Variants in SLC45A3 observed in about 807,000 individuals in gnomAD.
The protein encoded by SLC45A3 is prostate cancer associated protein 2.
A neutral mutation model predicts 35.3 loss-of-function variants in SLC45A3; 17 were observed. The observed-to-expected ratio is 0.48, with a 90% CI of 0.33 to 0.72. The LOEUF is 0.72. Ranked by LOEUF, SLC45A3 falls within the 30% of genes least tolerant of loss-of-function variation. SLC45A3 has a pLI of 0.02. For missense variants in SLC45A3, 597 were observed against 731.7 expected, an observed-to-expected ratio of 0.82 and a Z score of 2.12; for synonymous variants, 288 against 334.3, an observed-to-expected ratio of 0.86 and a Z score of 1.51.
chr1:205,662,934 A>G lies in SLC45A3; in HGVS notation c.857T>C (p.Met286Thr). Residue 286 changes from methionine (M) to threonine (T), a missense_variant, in exon 3 of 5, where the codon ATG becomes ACG. By Grantham distance (81) the Met-to-Thr change is moderately conservative. This residue lies in a region of SLC45A3 where 555 missense variants were observed against 664.9 expected (regional missense o/e 0.83). Coordinates refer to ENST00000367145, the MANE Select transcript of SLC45A3 (RefSeq NM_033102.3). The surrounding 1 kb of genome is among the most constrained non-coding windows in gnomAD (Gnocchi z 6.2). ...VAELCSWMAL[M>T]TFTLFYTDFV... ...ATCCGTGTAAAACAGCGTGAAGGTC[A>G]TGAGTGCCATCCAGCTGCACAGCTC... The G allele has an allele frequency of 3.7e-6, 6 of 1,613,658 alleles. No individual in the cohort carries two copies. The highest frequency in any genetic ancestry group is 4.2e-6 in the Non-Finnish European group (5 of 1,180,006).
At chr1:205,660,406 CT>C (rs1428847701) in intron 4 of SLC45A3, among the ~76,000 whole-genome samples, 1 of 152,172 alleles carries the variant, frequency 6.6e-6, no homozygotes, top group Non-Finnish European at 1.5e-5. Context: ...GGCCCAGAGC[CT>C]CCTATTTAAG....
At position 205,663,534 on chromosome 1, in the gene SLC45A3, C is replaced by T. The variant is rs780168259; in HGVS notation, c.257G>A (p.Arg86Gln). The stretch of plus-strand genomic sequence containing the variant: ...CAAGGACAGTGCCCAGATGAAGGGC[C>T]GGCGGCGGCCATAGCGTCCACGCCA... ...DHWRGRYGRR[R>Q]PFIWALSLGI... is the part of the protein sequence containing the mutation. Residue 86 changes from arginine to glutamine, a missense_variant, in exon 3 of 5, where the codon CGG (arginine) becomes CAG (glutamine). Arg to Gln is a conservative substitution (Grantham distance 43). This residue lies in a region of SLC45A3 where 555 missense variants were observed against 664.9 expected (regional missense o/e 0.83). Transcript: ENST00000367145. The T allele has an allele frequency of 6.8e-6, 11 of 1,612,936 alleles. No individual in the cohort carries two copies. Among genetic ancestry groups the T allele is most frequent in the East Asian group, 2.2e-5 (1 of 44,872 alleles).
At chr1:205,672,861 A>G (rs1226261910) in intron 1 of SLC45A3, among the ~76,000 whole-genome samples, 1 of 151,652 alleles carries the variant, frequency 6.6e-6, no homozygotes, top group Admixed American at 6.6e-5. Flanking sequence ...TGCACCCCCT[A>G]CCCCCGGCAG....
intron 1 of SLC45A3, among the ~76,000 whole-genome samples, chr1:205,667,789 GC>G: frequency 6.6e-6 from 1 of 151,910 alleles, no homozygotes. Context: ...AAGTTCCCAG[GC>G]CCCCCAGGAA....
chr1:205,674,808 C>T (rs965460719), intron 1 of SLC45A3, among the ~76,000 whole-genome samples: 2 of 151,766 alleles, frequency 1.3e-5, no homozygotes, highest in Non-Finnish European at 2.9e-5. Context: ...CTCTGCCTCC[C>T]GGATTCAAGC....
Position 205,659,307 on chromosome 1 carries a change from A to C in SLC45A3, c.1589T>G (p.Leu530Arg), listed in dbSNP as rs1313016978. The C allele has an allele frequency of 6.2e-7, 1 of 1,614,060 alleles. No individual in the cohort carries two copies. Among genetic ancestry groups the C allele is most frequent in the Non-Finnish European group, 8.5e-7 (1 of 1,180,016 alleles). Residue 530 changes from leucine to arginine, a missense_variant, in exon 5 of 5, where the codon CTG (leucine) becomes CGG (arginine). Around this residue, in one of 3 missense-constraint regions of SLC45A3, gnomAD observed 555 missense variants for 664.9 expected, o/e 0.83. Transcript: ENST00000367145. The surrounding 1 kb of genome is among the most constrained non-coding windows in gnomAD (Gnocchi z 5.8). ...VTAYMVSAAG[L>R]GLVAIYFATQ... ...AGCAAAGTAAATGGCGACCAGACCC[A>C]GGCCTGCGGCAGACACCATATAGGC...
intron 1 of SLC45A3, among the ~76,000 whole-genome samples, chr1:205,677,626 G>C (rs1671333227): frequency 6.6e-6 from 1 of 152,224 alleles, no homozygotes; most frequent in Non-Finnish European, 1.5e-5. Flanking sequence ...CCAAAGTCCA[G>C]GAGACCTTGC....
At position 205,661,979 on chromosome 1, in the gene SLC45A3, G is replaced by A; in HGVS notation, c.1106C>T (p.Thr369Ile). 6.2e-7 allele frequency: 1 copy of A among 1,614,208 alleles called. No individual in the cohort carries two copies. ...CACGGCCACACTGTGGGACAGGCATGTGGCACCGGCAGCCACAGGGAAAGC... is the reference window on the plus strand; with the variant it reads ...CACGGCCACACTGTGGGACAGGCATATGGCACCGGCAGCCACAGGGAAAGC... ...VAAFPVAAGA[T>I]CLSHSVAVVT... is the part of the protein sequence containing the mutation. Residue 369 changes from threonine (T) to isoleucine (I), a missense_variant, in exon 4 of 5, where the codon ACA becomes ATA. Transcript: ENST00000367145.
Position 205,662,607 on chromosome 1 carries a change from G to A in SLC45A3, c.958+226C>T. The A allele has an allele frequency of 7.5e-7, 1 of 1,336,618 alleles. No homozygotes were observed. The highest frequency in any genetic ancestry group is 2.3e-5 in the South Asian group (1 of 42,810). The allele number at this position is 1,336,618 out of a possible 1,614,324, so 82.8% of individuals were successfully genotyped here. Reference sequence around the variant, plus strand: ...CCGCCTTTCCTTCTGTCAAACTGGGGCAACGACTCTGATCAGACTCCTAGA... The same window carrying A: ...CCGCCTTTCCTTCTGTCAAACTGGGACAACGACTCTGATCAGACTCCTAGA... On this transcript the variant is annotated intron_variant, in intron 3 of 4. Coordinates refer to ENST00000367145, the MANE Select transcript of SLC45A3 (RefSeq NM_033102.3). The surrounding 1 kb of genome is among the most constrained non-coding windows in gnomAD (Gnocchi z 6.2).
In SLC45A3 at chr1:205,659,387, C is replaced by G; in HGVS notation, c.1509G>C (p.Gln503His). 6.2e-7 allele frequency: 1 copy of G among 1,614,208 alleles called. No individual in the cohort carries two copies. The highest frequency in any genetic ancestry group is 1.7e-5 in the Admixed American group (1 of 60,020). Residue 503 changes from glutamine (Q) to histidine (H), a missense_variant, in exon 5 of 5, where the codon CAG becomes CAC. Around this residue, in one of 3 missense-constraint regions of SLC45A3, gnomAD observed 555 missense variants for 664.9 expected, o/e 0.83. Coordinates refer to ENST00000367145, the MANE Select transcript of SLC45A3 (RefSeq NM_033102.3). This position sits in a 1 kb window ranked among gnomAD's most constrained non-coding sequence, Gnocchi z 5.8. ...AGCCCATAAACAGGGATGGGGCCAC[C>G]TGGGACAGCAGGAAGGCACTATCCA... ...AILDSAFLLS[Q>H]VAPSLFMGSI...
chr1:205,662,047 C>T lies in SLC45A3; in HGVS notation c.1038G>A (p.Val346=). The part of the protein sequence containing the change: ...LVFSLVMDRL[V]QRFGTRAVYL... ...AGACTGCTCGAGTGCCGAATCGCTG[C>T]ACCAGCCGGTCCATGACCAGAGAGA... The change falls in exon 4 of 5, where the codon GTG becomes GTA. Residue 346 remains valine, a synonymous_variant. Coordinates refer to ENST00000367145, the MANE Select transcript of SLC45A3 (RefSeq NM_033102.3). This position sits in a 1 kb window ranked among gnomAD's most constrained non-coding sequence, Gnocchi z 6.2. 1.2e-6 allele frequency: 2 copies of T among 1,614,062 alleles called. No individual in the cohort carries two copies. Among genetic ancestry groups the T allele is most frequent in the East Asian group, 4.5e-5 (2 of 44,874 alleles).
At chr1:205,670,721 A>G (rs1416369316) in intron 1 of SLC45A3, among the ~76,000 whole-genome samples, 2 of 151,964 alleles carry the variant, frequency 1.3e-5, no homozygotes, top group Non-Finnish European at 2.9e-5. Flanking sequence ...TTAGGGAGAA[A>G]CCTCTCGGCC....
In SLC45A3 at chr1:205,663,058, G is replaced by T; in HGVS notation, c.733C>A (p.Arg245=). 6.2e-7 allele frequency: 1 copy of T among 1,607,924 alleles called. No homozygotes were observed. The part of the protein sequence containing the change: ...PSLSPHCCPC[R]ARLAFRNLGA... ...AGGTTCCGGAAAGCCAAGCGGGCCC[G>T]GCATGGACAGCAGTGGGGCGACAAG... is the stretch of plus-strand genomic sequence containing the variant. The change falls in exon 3 of 5, where the codon CGG becomes AGG. Residue 245 remains arginine (R), a synonymous_variant. Coordinates refer to ENST00000367145, the MANE Select transcript of SLC45A3 (RefSeq NM_033102.3).
chr1:205,672,824 A>C (rs1194458390), intron 1 of SLC45A3, among the ~76,000 whole-genome samples: 1 of 152,110 alleles, frequency 6.6e-6, no homozygotes, highest in Non-Finnish European at 1.5e-5. Flanking sequence ...AAGGTTCTTT[A>C]CATCTGTGCA....
chr1:205,668,936 T>A (rs1671161254), intron 1 of SLC45A3, among the ~76,000 whole-genome samples: 1 of 152,000 alleles, frequency 6.6e-6, no homozygotes, highest in East Asian at 1.9e-4. Context: ...GTGGGCAAGG[T>A]CAGTGAACCT....
intron 4 of SLC45A3, among the ~76,000 whole-genome samples, chr1:205,661,369 G>A (rs1671018773): frequency 6.6e-6 from 1 of 152,180 alleles, no homozygotes; most frequent in Admixed American, 6.5e-5. Flanking sequence ...AGAAAAATAA[G>A]CCAGAAAGAA....
Position 205,662,049 on chromosome 1 carries a change from C to A in SLC45A3, c.1036G>T (p.Val346Leu), listed in dbSNP as rs1191847153. The A allele has an allele frequency of 6.2e-7, 1 of 1,614,170 alleles. No homozygotes were observed. Among genetic ancestry groups the A allele is most frequent in the Admixed American group, 1.7e-5 (1 of 60,030 alleles). The change falls in exon 4 of 5, where the codon GTG (valine) becomes TTG (leucine). Residue 346 changes from valine (V) to leucine (L), a missense_variant. This residue lies in a region of SLC45A3 where 555 missense variants were observed against 664.9 expected (regional missense o/e 0.83). Coordinates refer to ENST00000367145, the MANE Select transcript of SLC45A3 (RefSeq NM_033102.3). The surrounding 1 kb of genome is among the most constrained non-coding windows in gnomAD (Gnocchi z 6.2). Reference sequence around the variant, plus strand: ...ACTGCTCGAGTGCCGAATCGCTGCACCAGCCGGTCCATGACCAGAGAGAAG... The same window carrying A: ...ACTGCTCGAGTGCCGAATCGCTGCAACAGCCGGTCCATGACCAGAGAGAAG... Reference protein sequence around the residue: ...LVFSLVMDRLVQRFGTRAVYL... With the variant: ...LVFSLVMDRLLQRFGTRAVYL...
At chr1:205,679,600 C>T (rs1056528015) in intron 1 of SLC45A3, among the ~76,000 whole-genome samples, 1 of 152,044 alleles carries the variant, frequency 6.6e-6, no homozygotes, top group Non-Finnish European at 1.5e-5. Context: ...TGTCCTTCCC[C>T]ACCTGAGACC....
At position 205,659,398 on chromosome 1, in the gene SLC45A3, G is replaced by C. The variant is rs1558032978; in HGVS notation, c.1498C>G (p.Leu500Val). The change falls in exon 5 of 5, where the codon CTG (leucine) becomes GTG (valine). Residue 500 changes from leucine (L) to valine (V), a missense_variant. Leu to Val is a conservative substitution (Grantham distance 32). This residue lies in a region of SLC45A3 where 555 missense variants were observed against 664.9 expected (regional missense o/e 0.83). Coordinates refer to ENST00000367145, the MANE Select transcript of SLC45A3 (RefSeq NM_033102.3). The surrounding 1 kb of genome is among the most constrained non-coding windows in gnomAD (Gnocchi z 5.8). ...LDLAILDSAF[L>V]LSQVAPSLFM... The stretch of plus-strand genomic sequence containing the variant: ...AGGGATGGGGCCACCTGGGACAGCA[G>C]GAAGGCACTATCCAGGATGGCGAGG... 6.2e-7 allele frequency: 1 copy of C among 1,614,230 alleles called. No homozygotes were observed. Among genetic ancestry groups the C allele is most frequent in the Non-Finnish European group, 8.5e-7 (1 of 1,180,042 alleles).
Sources: gnomAD v4.1 joint callset for allele counts (sites outside exome capture counted in the v4.1 genomes callset) on GRCh38, gnomAD v4.1.1 for gene constraint, gnomAD v4.1.1 regional missense constraint, Gnocchi (gnomAD v3.1) non-coding constraint, MANE v1.5 for transcripts, NCBI Gene and HGNC (gene_info 2026-07-23, HGNC 2026-07-21) for gene names.